The following CDK6 variants were observed in gnomAD, a reference collection of about 807,000 sequenced individuals.
CDK6 encodes cyclin-dependent kinase 6.
CDK6 carries 6 observed loss-of-function variants against 37.1 expected under a neutral mutation model. The observed-to-expected ratio is 0.16, with a 90% CI of 0.09 to 0.32. The LOEUF (loss-of-function observed/expected upper bound fraction) is 0.32. Ranked by LOEUF, CDK6 falls within the 10% of genes least tolerant of loss-of-function variation. The probability of loss-of-function intolerance (pLI) is 1.00; values close to 1 mark genes in which losing one functional copy is unlikely to be tolerated. For missense variants in CDK6, 224 were observed against 418.9 expected (o/e 0.53, Z 4.06); for synonymous variants, 160 against 161.3 (o/e 0.99, Z 0.06).
chr7:92,772,357 T>C (rs1278157762), intron 3 of CDK6, among the ~76,000 whole-genome samples: 1 of 152,120 alleles, frequency 6.6e-6, no homozygotes, highest in African/African-American at 2.4e-5. Context: ...CAATACAACA[T>C]TAGCCACAAA....
At chr7:92,637,000 T>G (rs543584431) in intron 5 of CDK6, among the ~76,000 whole-genome samples, 7 of 152,132 alleles carry the variant, frequency 4.6e-5, no homozygotes, top group Non-Finnish European at 1.0e-4. Context: ...CTTCAAAAAT[T>G]TTGCTGGTAT....
intron 5 of CDK6, among the ~76,000 whole-genome samples, chr7:92,657,309 A>G (rs1796720364): frequency 6.6e-6 from 1 of 152,184 alleles, no homozygotes. Context: ...TAAGCAGCTG[A>G]TGGAAAAGCT....
rs890417668 is a variant in CDK6 at position 92,834,857 on chromosome 7, C to T, written c.-367-1167G>A. ...GGTCCAGTCTGCAGCCGGACGCCCC[C>T]GGAGCCCTCTGCACAACAAAGCGCC... On this transcript the variant is annotated intron_variant, in intron 1 of 7. Transcript: ENST00000424848. The surrounding 1 kb of genome is among the most constrained non-coding windows in gnomAD (Gnocchi z 4.6). Among the ~76,000 whole-genome samples the T allele has an allele frequency of 1.3e-5, 2 of 152,126 alleles. No homozygotes were observed. The highest frequency in any genetic ancestry group is 2.9e-5 in the Non-Finnish European group (2 of 68,004).
At chr7:92,749,020 G>A (rs1799125397) in intron 3 of CDK6, among the ~76,000 whole-genome samples, 1 of 152,034 alleles carries the variant, frequency 6.6e-6, no homozygotes, top group Admixed American at 6.6e-5. Flanking sequence ...CCAACATGGT[G>A]AAACACCATC....
At chr7:92,779,488 G>T (rs1341266855) in intron 2 of CDK6, among the ~76,000 whole-genome samples, 1 of 152,142 alleles carries the variant, frequency 6.6e-6, no homozygotes, top group East Asian at 1.9e-4. Flanking sequence ...GACTCCTCCA[G>T]GTTCAAGGAA....
intron 3 of CDK6, among the ~76,000 whole-genome samples, chr7:92,739,107 G>A (rs1217784044): frequency 6.6e-6 from 1 of 152,132 alleles, no homozygotes; most frequent in African/African-American, 2.4e-5. Context: ...TCTCTAGTAA[G>A]CTCCCTTTGC....
At chr7:92,710,686 C>T (rs981275738) in intron 4 of CDK6, 24 of 985,080 alleles carry the variant, frequency 2.4e-5, no homozygotes, top group Non-Finnish European at 2.7e-5. Context: ...ACAAAGGAGA[C>T]CAAAGCAGAA....
intron 2 of CDK6, among the ~76,000 whole-genome samples, chr7:92,811,498 G>C (rs2115942575): frequency 6.6e-6 from 1 of 151,950 alleles, no homozygotes; most frequent in South Asian, 2.1e-4. Context: ...ACAGTCTTGA[G>C]ATTAAATGTG....
Position 92,833,688 on chromosome 7 carries a change from C to G in CDK6, c.-365G>C, listed in dbSNP as rs3731260. The G allele has an allele frequency of 9.7e-4, 433 of 446,406 alleles. No homozygotes were observed. The highest frequency in any genetic ancestry group is 8.0e-3 in the African/African-American group (392 of 48,908). 27.7% of individuals were successfully genotyped at this position (446,406 alleles called of 1,614,324 possible). On this transcript the variant is annotated splice_region_variant and 5_prime_UTR_variant, in exon 2 of 8. Transcript: ENST00000424848. This position sits in a 1 kb window ranked among gnomAD's most constrained non-coding sequence, Gnocchi z 6.1. ...AGCGCGTCTCAGTCCAGAATCATTG[C>G]ACCTAAAGGAGGAGACGGGAGGATA...
intron 6 of CDK6, 53 bp downstream of exon 6, chr7:92,622,983 T>C (rs1246931080): frequency 1.8e-6 from 2 of 1,112,216 alleles, no homozygotes; most frequent in Non-Finnish European, 2.7e-6. Flanking sequence ...GGAAAGTCAC[T>C]GTAAATGTTT....
intron 2 of CDK6, among the ~76,000 whole-genome samples, chr7:92,784,237 A>C (rs2115827989): frequency 6.6e-6 from 1 of 152,344 alleles, no homozygotes; most frequent in Non-Finnish European, 1.5e-5. Context: ...CCCAAAGACA[A>C]GAGAAAGATA....
chr7:92,812,512 G>A (rs1020995085), intron 2 of CDK6, among the ~76,000 whole-genome samples: 2 of 151,742 alleles, frequency 1.3e-5, no homozygotes, highest in African/African-American at 4.8e-5. Flanking sequence ...CAAACTCCTA[G>A]GCTCAAGCCT....
rs1315591543 is a variant in CDK6 at position 92,608,176 on chromosome 7, A to G, written c.*6964T>C. 4.3e-6 allele frequency: 1 copy of G among 232,474 alleles called. No individual in the cohort carries two copies. The highest frequency in any genetic ancestry group is 2.2e-5 in the African/African-American group (1 of 45,322). 14.4% of individuals were successfully genotyped at this position (232,474 alleles called of 1,614,324 possible). On this transcript the variant is annotated 3_prime_UTR_variant, in exon 8 of 8. Coordinates refer to ENST00000424848, the MANE Select transcript of CDK6 (RefSeq NM_001145306.2). ...ATGTGTGCTGATTAGTGCTACAGTC[A>G]TAGTTCTTGGCAGTCAATATGTAGT... is the stretch of plus-strand genomic sequence containing the variant.
intron 2 of CDK6, among the ~76,000 whole-genome samples, chr7:92,819,562 A>G (rs1801118982): frequency 1.3e-5 from 2 of 152,158 alleles, no homozygotes; most frequent in Admixed American, 1.3e-4. Context: ...ACTTTAAAAA[A>G]GCCAAAGGAT....
At chr7:92,673,968 C>T (rs749658201) in intron 4 of CDK6, among the ~76,000 whole-genome samples, 11 of 151,864 alleles carry the variant, frequency 7.2e-5, no homozygotes, top group African/African-American at 2.2e-4. Context: ...TTAGTAGAGA[C>T]GGGGTTTCAC....
At chr7:92,716,110 T>C (rs182398133) in intron 4 of CDK6, among the ~76,000 whole-genome samples, 6 of 152,278 alleles carry the variant, frequency 3.9e-5, no homozygotes, top group Admixed American at 3.9e-4. Context: ...TAGTTGAAAG[T>C]TGTGTCTAAA....
intron 5 of CDK6, among the ~76,000 whole-genome samples, chr7:92,660,478 T>C (rs920495486): frequency 7.9e-5 from 12 of 152,208 alleles, no homozygotes; most frequent in African/African-American, 2.7e-4. Flanking sequence ...ATATATGCAA[T>C]GGCCAGAATA....
intron 2 of CDK6, among the ~76,000 whole-genome samples, chr7:92,778,067 T>G: frequency 6.7e-6 from 1 of 150,110 alleles, no homozygotes; most frequent in Non-Finnish European, 1.5e-5. Flanking sequence ...TCTCTGTGAA[T>G]CTATACTAAA....
At chr7:92,698,551 G>A (rs1321812076) in intron 4 of CDK6, among the ~76,000 whole-genome samples, 3 of 152,118 alleles carry the variant, frequency 2.0e-5, no homozygotes, top group East Asian at 1.9e-4. Context: ...TAATACAGCC[G>A]AAGAAAAAAT....
Sources: allele counts gnomAD v4.1 joint callset (sites outside exome capture counted in the v4.1 genomes callset), GRCh38; gene constraint gnomAD v4.1.1; non-coding constraint Gnocchi (gnomAD v3.1); transcripts MANE v1.5; gene names NCBI Gene and HGNC (gene_info 2026-07-23, HGNC 2026-07-21).